GNL2: variants seen among roughly 807,000 people sequenced by gnomAD.
The protein encoded by GNL2 is G protein nucleolar 2, also known as nucleolar GTP-binding protein 2.
A neutral mutation model predicts 92.3 loss-of-function variants in GNL2; 51 were observed. The observed-to-expected ratio is 0.55, with a 90% CI of 0.44 to 0.70. The LOEUF (loss-of-function observed/expected upper bound fraction) is 0.70, where lower values mean the gene tolerates loss of function less well. Among genes scored for constraint, GNL2 ranks in the 30% least tolerant of loss-of-function variants. The pLI is 0.00. For synonymous variants in GNL2, 283 were observed against 300.6 expected (o/e 0.94, Z 0.61); for missense variants, 844 against 895.6 (o/e 0.94, Z 0.74).
intron 1 of GNL2, among the ~76,000 whole-genome samples, chr1:37,595,280 G>A (rs1643914613): frequency 6.6e-6 from 1 of 152,184 alleles, no homozygotes; most frequent in Admixed American, 6.5e-5. Flanking sequence ...TTACTGCAAT[G>A]ATCATACTGA....
At chr1:37,592,528 A>T (rs544736455) in intron 3 of GNL2, among the ~76,000 whole-genome samples, 184 bp downstream of exon 3, 7 of 152,306 alleles carry the variant, frequency 4.6e-5, no homozygotes, top group Non-Finnish European at 4.4e-5. Flanking sequence ...AGCGCTCTTC[A>T]AAAAGAAGTT....
intron 4 of GNL2, among the ~76,000 whole-genome samples, chr1:37,589,128 T>C (rs72659411): frequency 0.051 from 7,782 of 152,304 alleles, 240 homozygotes; most frequent in South Asian, 0.12. Flanking sequence ...GAGCAACTTG[T>C]CTGTGGTTCA....
intron 5 of GNL2, among the ~76,000 whole-genome samples, chr1:37,585,041 C>G (rs893735353): frequency 2.0e-5 from 3 of 146,782 alleles, no homozygotes; most frequent in Admixed American, 6.8e-5. Flanking sequence ...GAGATCACAT[C>G]AAATGGTTAG....
At chr1:37,586,648 A>G (rs1008265526) in intron 5 of GNL2, among the ~76,000 whole-genome samples, 2 of 152,202 alleles carry the variant, frequency 1.3e-5, no homozygotes, top group Non-Finnish European at 2.9e-5. Context: ...GGCATTAACA[A>G]TGCTTAATAT....
chr1:37,574,533 T>A, intron 11 of GNL2, 77 bp from the exon 12 acceptor site: 1 of 1,405,140 alleles, frequency 7.1e-7, no homozygotes, highest in Non-Finnish European at 1.0e-6. Flanking sequence ...ATTTCAGTTG[T>A]CCCAGGGGTT....
chr1:37,582,127 A>T, intron 8 of GNL2, 96 bp downstream of exon 8: 2 of 751,680 alleles, frequency 2.7e-6, no homozygotes, highest in Non-Finnish European at 4.4e-6. Context: ...CGTCCGGCTA[A>T]GAAGTTGGCA....
At chr1:37,571,187 C>T (rs1643588822) in intron 12 of GNL2, among the ~76,000 whole-genome samples, 1 of 152,170 alleles carries the variant, frequency 6.6e-6, no homozygotes, top group South Asian at 2.1e-4. Context: ...AAGTATCTGC[C>T]AAGTTCTGGA....
At chr1:37,567,644 G>A (rs1253777965) in intron 15 of GNL2, 29 bp downstream of exon 15, 1 of 1,396,486 alleles carries the variant, frequency 7.2e-7, no homozygotes, top group South Asian at 1.2e-5. Context: ...TACTCTACTT[G>A]GGCCATACTT....
At chr1:37,586,027 C>A (rs767923662) in intron 5 of GNL2, among the ~76,000 whole-genome samples, 1 of 152,094 alleles carries the variant, frequency 6.6e-6, no homozygotes, top group African/African-American at 2.4e-5. Flanking sequence ...GAAAAAGATG[C>A]GGTCACATTG....
intron 5 of GNL2, among the ~76,000 whole-genome samples, chr1:37,585,728 CA>C (rs1374924063): frequency 1.3e-5 from 2 of 152,110 alleles, no homozygotes; most frequent in South Asian, 2.1e-4. Context: ...AATGGCTTGA[CA>C]TTTTATCTCT....
At chr1:37,587,545 A>C in intron 4 of GNL2, 50 bp from the exon 5 acceptor site, 1 of 1,313,754 alleles carries the variant, frequency 7.6e-7, no homozygotes, top group Non-Finnish European at 1.1e-6. Flanking sequence ...CACTGAGAAA[A>C]AGCAAAAAGC....
intron 12 of GNL2, chr1:37,569,742 A>T (rs557053309): frequency 6.4e-6 from 1 of 157,078 alleles, no homozygotes; most frequent in African/African-American, 2.4e-5. Flanking sequence ...GTGTCCCCCA[A>T]AATTCATATG....
intron 12 of GNL2, chr1:37,569,707 T>G: frequency 6.2e-6 from 1 of 161,006 alleles, no homozygotes; most frequent in South Asian, 1.8e-4. Flanking sequence ...AAGAGAGGCA[T>G]TTGAGGAGGT....
chr1:37,576,648 C>T lies in GNL2; in HGVS notation c.910-92G>A, dbSNP rs563137550. ...TATTACTTTGTTAATATCAAGAATA[C>T]AGTGCAAAACTGTTGATACAACTTG... On this transcript the variant is annotated intron_variant, in intron 8 of 15. Coordinates refer to ENST00000373062, the MANE Select transcript of GNL2 (RefSeq NM_013285.3). The T allele has an allele frequency of 3.6e-5, 45 of 1,255,186 alleles. 1 individual carries two copies. In the African/African-American group the frequency reaches 5.4e-4, roughly 15 times the overall value. The allele number at this position is 1,255,186 out of a possible 1,614,324, so 77.8% of individuals were successfully genotyped here.
chr1:37,575,699 C>A lies in GNL2; in HGVS notation c.1039G>T (p.Val347Phe). The change falls in exon 10 of 16, where the codon GTC (valine) becomes TTC (phenylalanine). Residue 347 changes from valine (V) to phenylalanine (F), a missense_variant and splice_region_variant. Coordinates refer to ENST00000373062, the MANE Select transcript of GNL2 (RefSeq NM_013285.3). The surrounding 1 kb of genome is among the most constrained non-coding windows in gnomAD (Gnocchi z 4.1). ...NVAPIAGETK[V>F]WQYITLMRRI... ...CGCATCAAAGTAATATACTGCCAGA[C>A]CTGAAGTCAGAAAAAAGTCAGAGAT... is the stretch of plus-strand genomic sequence containing the variant. The A allele has an allele frequency of 6.3e-7, 1 of 1,585,882 alleles. No homozygotes were observed. Among genetic ancestry groups the A allele is most frequent in the Non-Finnish European group, 8.6e-7 (1 of 1,167,348 alleles).
chr1:37,578,399 A>G (rs1216036548), intron 8 of GNL2, among the ~76,000 whole-genome samples: 1 of 150,434 alleles, frequency 6.6e-6, no homozygotes, highest in Non-Finnish European at 1.5e-5. Flanking sequence ...AAATCAGGCC[A>G]CTCCACTCCA....
Position 37,593,822 on chromosome 1 carries a change from T to C in GNL2, c.89A>G (p.Gln30Arg). ...NPDRVQGAGG[Q>R]NMRDRATIRR... Reference sequence around the variant, plus strand: ...GATGGTGGCCCGGTCCCTCATGTTTTGGCCTCCTGCTCCCTGCACTCGATC... The same window carrying C: ...GATGGTGGCCCGGTCCCTCATGTTTCGGCCTCCTGCTCCCTGCACTCGATC... Residue 30 changes from glutamine to arginine, a missense_variant, in exon 2 of 16, where the codon CAA becomes CGA. Coordinates refer to ENST00000373062, the MANE Select transcript of GNL2 (RefSeq NM_013285.3). The C allele has an allele frequency of 6.2e-7, 1 of 1,614,042 alleles. No homozygotes were observed. The highest frequency in any genetic ancestry group is 8.5e-7 in the Non-Finnish European group (1 of 1,179,940).
Position 37,593,766 on chromosome 1 carries a change from G to T in GNL2, c.145C>A (p.Arg49Ser), listed in dbSNP as rs1207041261. The T allele has an allele frequency of 6.2e-7, 1 of 1,611,278 alleles. No homozygotes were observed. The highest frequency in any genetic ancestry group is 8.5e-7 in the Non-Finnish European group (1 of 1,177,498). The part of the protein sequence containing the change: ...RRLNMYRQKE[R>S]RNSRGKIIKP... ...ATGACAGCACCCAGTGCTCACCTGC[G>T]CTCCTTTTGCCTATACATATTCAGG... The change falls in exon 2 of 16, where the codon CGC (arginine) becomes AGC (serine). Residue 49 changes from arginine to serine, a missense_variant. Physicochemically the swap from Arg to Ser is moderately radical, Grantham distance 110. Transcript: ENST00000373062.
chr1:37,584,268 G>A (rs887422418), intron 5 of GNL2, among the ~76,000 whole-genome samples: 2 of 151,824 alleles, frequency 1.3e-5, no homozygotes, highest in African/African-American at 4.8e-5. Flanking sequence ...GGGCAACATG[G>A]CAAAACCCCA....
Sources: gnomAD v4.1 joint callset for allele counts (sites outside exome capture counted in the v4.1 genomes callset) on GRCh38, gnomAD v4.1.1 for gene constraint, Gnocchi (gnomAD v3.1) non-coding constraint, MANE v1.5 for transcripts, NCBI Gene and HGNC (gene_info 2026-07-23, HGNC 2026-07-21) for gene names.